The following RBFOX1 variants were observed in gnomAD, a reference collection of about 807,000 sequenced individuals.
RBFOX1 encodes RNA binding protein fox-1 homolog 1.
Under a neutral mutation model 57.7 loss-of-function variants are expected in RBFOX1, and 8 were observed. That is an observed-to-expected ratio of 0.14 (90% confidence interval 0.08 to 0.25). The LOEUF (loss-of-function observed/expected upper bound fraction) is 0.25. Among genes scored for constraint, RBFOX1 ranks in the 10% least tolerant of loss-of-function variants. The pLI is 1.00. For synonymous variants in RBFOX1, 326 were observed against 222.4 expected, an observed-to-expected ratio of 1.47 and a Z score of -4.15; for missense variants, 611 against 548.5, an observed-to-expected ratio of 1.11 and a Z score of -1.14.
At chr16:6,335,393 A>T (rs1040415820) in intron 2 of RBFOX1, among the ~76,000 whole-genome samples, 2 of 152,180 alleles carry the variant, frequency 1.3e-5, no homozygotes, top group African/African-American at 2.4e-5. Flanking sequence ...GAGAGGGAGG[A>T]AGTTCTAGAA....
intron 3 of RBFOX1, among the ~76,000 whole-genome samples, chr16:6,740,529 G>A (rs1356188088): frequency 6.6e-6 from 1 of 152,190 alleles, no homozygotes; most frequent in African/African-American, 2.4e-5. Context: ...GGACTGACAA[G>A]TTAGCTCACC....
chr16:6,128,346 G>A (rs117310812), intron 1 of RBFOX1, among the ~76,000 whole-genome samples: 12 of 152,086 alleles, frequency 7.9e-5, no homozygotes, highest in African/African-American at 1.2e-4. Context: ...GAAGACTTCT[G>A]TGTCCAGCCA....
chr16:6,278,557 C>T (rs2076072438), intron 1 of RBFOX1, among the ~76,000 whole-genome samples: 1 of 151,872 alleles, frequency 6.6e-6, no homozygotes, highest in Admixed American at 6.6e-5. Flanking sequence ...ACAATTTTCC[C>T]CTTATCTCTG....
chr16:6,961,088 A>C (rs539139156), intron 3 of RBFOX1, among the ~76,000 whole-genome samples: 86 of 149,240 alleles, frequency 5.8e-4, no homozygotes, highest in Middle Eastern at 3.4e-3. Flanking sequence ...AGTTGCAGTG[A>C]GCCGAGATCA....
chr16:6,053,394 G>C (rs1038697645), intron 1 of RBFOX1, among the ~76,000 whole-genome samples: 4 of 152,154 alleles, frequency 2.6e-5, no homozygotes, highest in African/African-American at 9.7e-5. Flanking sequence ...ATTGGACAGA[G>C]GGGAGAAAGG....
At chr16:7,685,391 C>G (rs1033025396) in intron 14 of RBFOX1, among the ~76,000 whole-genome samples, 10 of 152,122 alleles carry the variant, frequency 6.6e-5, no homozygotes, top group African/African-American at 9.7e-5. Flanking sequence ...TTCTTTACCC[C>G]AAAAGATCCG....
chr16:5,777,877 A>G (rs1396705208), intron 3 of RBFOX1, among the ~76,000 whole-genome samples: 1 of 152,234 alleles, frequency 6.6e-6, no homozygotes, highest in East Asian at 1.9e-4. Flanking sequence ...CACGATCATA[A>G]GTAGGCATCT....
intron 4 of RBFOX1, among the ~76,000 whole-genome samples, chr16:7,356,987 C>T (rs1268653233): frequency 6.6e-6 from 1 of 152,098 alleles, no homozygotes; most frequent in Admixed American, 6.6e-5. Context: ...TGCTGAGGGC[C>T]CCTCTGTGCT....
chr16:5,242,813 T>A (rs1295529182), intron 1 of RBFOX1, among the ~76,000 whole-genome samples: 1 of 152,130 alleles, frequency 6.6e-6, no homozygotes, highest in Non-Finnish European at 1.5e-5. Flanking sequence ...GAGGTTTTAA[T>A]GTGACTGGGT....
chr16:5,596,137 G>T (rs1218172018), intron 2 of RBFOX1, among the ~76,000 whole-genome samples: 2 of 152,162 alleles, frequency 1.3e-5, no homozygotes, highest in African/African-American at 4.8e-5. Flanking sequence ...GCTGGAAAGT[G>T]TGGAAGGGGC....
intron 4 of RBFOX1, among the ~76,000 whole-genome samples, chr16:7,468,979 G>C (rs909327479): frequency 3.3e-5 from 5 of 152,012 alleles, no homozygotes; most frequent in African/African-American, 9.7e-5. Flanking sequence ...TGTCACCCAG[G>C]CTGGAGTGCA....
intron 4 of RBFOX1, among the ~76,000 whole-genome samples, chr16:7,219,859 T>C (rs1299123424): frequency 2.6e-5 from 4 of 152,212 alleles, no homozygotes; most frequent in Admixed American, 1.3e-4. Flanking sequence ...AGAGTGAGTG[T>C]ATTTATATAA....
intron 3 of RBFOX1, among the ~76,000 whole-genome samples, chr16:5,677,276 C>G (rs769301131): frequency 2.0e-5 from 3 of 152,216 alleles, no homozygotes; most frequent in Admixed American, 1.3e-4. Context: ...AGAATATGTC[C>G]TCCTATGAGA....
chr16:7,501,117 T>C (rs1000989380), intron 4 of RBFOX1, among the ~76,000 whole-genome samples: 3 of 152,224 alleles, frequency 2.0e-5, no homozygotes, highest in Non-Finnish European at 2.9e-5. Context: ...CAGATATGTC[T>C]TTACTTGCAG....
At chr16:6,602,720 G>A (rs1467127862) in intron 2 of RBFOX1, among the ~76,000 whole-genome samples, 1 of 152,146 alleles carries the variant, frequency 6.6e-6, no homozygotes, top group Non-Finnish European at 1.5e-5. Context: ...AAGATGAGCT[G>A]GAAGTGCAAT....
intron 3 of RBFOX1, among the ~76,000 whole-genome samples, chr16:6,979,477 G>T (rs996251542): frequency 6.6e-6 from 1 of 152,094 alleles, no homozygotes; most frequent in African/African-American, 2.4e-5. Flanking sequence ...TCTTCCCCCA[G>T]TACCTTTCTA....
intron 3 of RBFOX1, among the ~76,000 whole-genome samples, chr16:6,874,665 G>T (rs573336091): frequency 1.3e-5 from 2 of 152,000 alleles, no homozygotes; most frequent in Admixed American, 6.6e-5. Flanking sequence ...CCATTCCCGA[G>T]TTCCTTAACA....
In RBFOX1 at chr16:7,222,481, A is replaced by T. The variant is rs540485576; in HGVS notation, c.27+170383A>T. On this transcript the variant is annotated intron_variant, in intron 4 of 15. Coordinates refer to ENST00000550418, the MANE Select transcript of RBFOX1 (RefSeq NM_018723.4). ...AATTGTCCCCCTTGAAAAGTTGGCA[A>T]TGCAAGGAAGTGACAACCTAATGCA... 4.6e-5 allele frequency among the ~76,000 whole-genome samples: 7 copies of T among 152,322 alleles called. No homozygotes were observed. In the South Asian group the frequency reaches 8.3e-4, roughly 18 times the overall value.
intron 2 of RBFOX1, among the ~76,000 whole-genome samples, chr16:6,584,567 C>T (rs1671640368): frequency 6.6e-6 from 1 of 151,890 alleles, no homozygotes; most frequent in African/African-American, 2.4e-5. Flanking sequence ...TAGGGTTTTG[C>T]CATGTTGACC....
Sources: allele counts gnomAD v4.1 joint callset (sites outside exome capture counted in the v4.1 genomes callset), GRCh38; gene constraint gnomAD v4.1.1; transcripts MANE v1.5; gene names NCBI Gene and HGNC (gene_info 2026-07-23, HGNC 2026-07-21).